The following CLASP1 variants were observed in gnomAD, a reference collection of about 807,000 sequenced individuals.
The protein encoded by CLASP1 is cytoplasmic linker associated protein 1, also known as CLIP-associating protein 1.
In CLASP1, 38 loss-of-function variants were observed where a neutral mutation model predicts 192.3. The observed-to-expected ratio is 0.20, with a 90% CI of 0.15 to 0.26. CLASP1 has a LOEUF of 0.26. Among genes scored for constraint, CLASP1 ranks in the 10% least tolerant of loss-of-function variants. The pLI is 1.00. For missense variants in CLASP1, 1,433 were observed against 1,932.5 expected, an observed-to-expected ratio of 0.74 and a Z score of 4.85; for synonymous variants, 691 against 712.8, an observed-to-expected ratio of 0.97 and a Z score of 0.49.
At chr2:121,550,298 A>ATT (rs1392685575) in intron 2 of CLASP1, among the ~76,000 whole-genome samples, 1 of 152,128 alleles carries the variant, frequency 6.6e-6, no homozygotes, top group Non-Finnish European at 1.5e-5. Flanking sequence ...AAAAAGAAAG[A>ATT]TTTCAAATTA....
intron 8 of CLASP1, among the ~76,000 whole-genome samples, chr2:121,474,859 A>T (rs960818907): frequency 6.6e-6 from 1 of 152,236 alleles, no homozygotes. Context: ...AAGCTTACTT[A>T]GCTGATTTCC....
At chr2:121,610,744 G>A (rs2065235809) in intron 1 of CLASP1, among the ~76,000 whole-genome samples, 1 of 149,082 alleles carries the variant, frequency 6.7e-6, no homozygotes, top group Non-Finnish European at 1.5e-5. Flanking sequence ...GGAACTGGAG[G>A]AGGAAGAGTT....
intron 32 of CLASP1, among the ~76,000 whole-genome samples, chr2:121,385,474 T>C (rs2072994473): frequency 6.6e-6 from 1 of 152,216 alleles, no homozygotes; most frequent in South Asian, 2.1e-4. Flanking sequence ...ATGAGGCCAA[T>C]TAAGAAGGAA....
At chr2:121,461,394 A>G (rs1209921851) in intron 10 of CLASP1, among the ~76,000 whole-genome samples, 1 of 152,194 alleles carries the variant, frequency 6.6e-6, no homozygotes, top group Non-Finnish European at 1.5e-5. Flanking sequence ...ATTTGCTGCC[A>G]TATGTGAATA....
At chr2:121,621,995 G>C (rs573369450) in intron 1 of CLASP1, among the ~76,000 whole-genome samples, 1 of 152,050 alleles carries the variant, frequency 6.6e-6, no homozygotes, top group South Asian at 2.1e-4. Flanking sequence ...TTACAGGCGT[G>C]CACCACCACG....
chr2:121,429,960 C>T, intron 20 of CLASP1, 113 bp downstream of exon 20: 1 of 775,784 alleles, frequency 1.3e-6, no homozygotes, highest in Non-Finnish European at 2.1e-6. Flanking sequence ...CTCAGAGCCA[C>T]AAAAAATGTG....
chr2:121,608,360 C>T (rs1246849264), intron 1 of CLASP1, among the ~76,000 whole-genome samples: 1 of 152,194 alleles, frequency 6.6e-6, no homozygotes, highest in African/African-American at 2.4e-5. Flanking sequence ...GTCCAAGTCC[C>T]CTCCTGCAAT....
chr2:121,533,068 C>T (rs1300473852), intron 2 of CLASP1, among the ~76,000 whole-genome samples: 1 of 152,094 alleles, frequency 6.6e-6, no homozygotes, highest in Non-Finnish European at 1.5e-5. Flanking sequence ...GGAAAGCTGA[C>T]GTCAGCTTTT....
chr2:121,488,970 G>A (rs984547643), intron 8 of CLASP1, among the ~76,000 whole-genome samples: 6 of 152,270 alleles, frequency 3.9e-5, no homozygotes, highest in Admixed American at 1.3e-4. Context: ...TCAGATTCAG[G>A]AGGCTATCTC....
At chr2:121,514,346 A>G (rs1221856405) in intron 7 of CLASP1, among the ~76,000 whole-genome samples, 1 of 152,178 alleles carries the variant, frequency 6.6e-6, no homozygotes, top group East Asian at 1.9e-4. Context: ...CTTCGTCATT[A>G]AACAGTCCCT....
intron 15 of CLASP1, 111 bp from the exon 16 acceptor site, chr2:121,451,101 G>A (rs563727831): frequency 2.6e-6 from 2 of 762,310 alleles, no homozygotes; most frequent in East Asian, 2.5e-5. Flanking sequence ...GGGAGCCTCT[G>A]TGCCAAGGCT....
At chr2:121,608,053 T>C (rs2064685560) in intron 1 of CLASP1, among the ~76,000 whole-genome samples, 1 of 152,206 alleles carries the variant, frequency 6.6e-6, no homozygotes, top group African/African-American at 2.4e-5. Flanking sequence ...TGAGGAGAGA[T>C]CTGCTTTCCA....
chr2:121,575,592 GTAT>G, intron 2 of CLASP1, among the ~76,000 whole-genome samples: 1 of 152,234 alleles, frequency 6.6e-6, no homozygotes, highest in African/African-American at 2.4e-5. Context: ...ATGGCAGGTA[GTAT>G]TATTTCTCTC....
intron 2 of CLASP1, among the ~76,000 whole-genome samples, chr2:121,539,316 A>G (rs2095174016): frequency 2.0e-5 from 3 of 152,332 alleles, no homozygotes; most frequent in Non-Finnish European, 1.5e-5. Flanking sequence ...GGACAGACAC[A>G]CCAACAGACA....
At chr2:121,409,477 A>G (rs1438244554) in intron 24 of CLASP1, among the ~76,000 whole-genome samples, 2 of 152,216 alleles carry the variant, frequency 1.3e-5, no homozygotes, top group Non-Finnish European at 2.9e-5. Flanking sequence ...AAAAGTAACA[A>G]GGGCAGCATG....
intron 2 of CLASP1, among the ~76,000 whole-genome samples, chr2:121,571,191 T>C (rs968251991): frequency 2.6e-5 from 4 of 152,072 alleles, no homozygotes; most frequent in Non-Finnish European, 5.9e-5. Flanking sequence ...GGTTTTTTTC[T>C]TTTGGGATGG....
exon 4 of CLASP1, chr2:121,528,740 G>T (rs747648230): frequency 6.2e-7 from 1 of 1,613,910 alleles, no homozygotes. Flanking sequence ...CCCTCACAGA[G>T]TCTTTAGCAT....
intron 19 of CLASP1, among the ~76,000 whole-genome samples, chr2:121,432,266 G>A (rs958770166): frequency 2.0e-5 from 3 of 152,086 alleles, no homozygotes; most frequent in Non-Finnish European, 4.4e-5. Context: ...ACAGGAACAT[G>A]CCACCACACA....
In CLASP1 at chr2:121,524,302, A is replaced by C. The variant is rs1322780650; in HGVS notation, c.546+1543T>G. ...CCACGGAAAACAAAAACAGAAACAA[A>C]ACCAAAAGGGAGGAAGGATACAAAA... On this transcript the variant is annotated intron_variant, in intron 6 of 39. Transcript: ENST00000263710. 2.6e-5 allele frequency among the ~76,000 whole-genome samples: 4 copies of C among 152,326 alleles called. No homozygotes were observed. The East Asian group carries it at 7.7e-4, about 29-fold the overall frequency.
Sources: allele counts gnomAD v4.1 joint callset (sites outside exome capture counted in the v4.1 genomes callset), GRCh38; gene constraint gnomAD v4.1.1; transcripts MANE v1.5; gene names NCBI Gene and HGNC (gene_info 2026-07-23, HGNC 2026-07-21).